DDX10: variants seen among roughly 807,000 people sequenced by gnomAD.
DDX10 encodes the protein probable ATP-dependent RNA helicase DDX10.
A neutral mutation model predicts 104.3 loss-of-function variants in DDX10; 74 were observed. The ratio of observed to expected loss-of-function variants is 0.71; its 90% CI spans 0.59 to 0.86. The LOEUF (loss-of-function observed/expected upper bound fraction) is 0.86. Among genes scored for constraint, DDX10 ranks in the 40% least tolerant of loss-of-function variants. The probability of loss-of-function intolerance (pLI) is 0.00; values close to 1 mark genes in which losing one functional copy is unlikely to be tolerated. For missense variants in DDX10, 952 were observed against 1,040.0 expected (o/e 0.92, Z 1.16); for synonymous variants, 351 against 353.4 (o/e 0.99, Z 0.08).
intron 16 of DDX10, among the ~76,000 whole-genome samples, chr11:108,891,602 G>C (rs116242428): frequency 1.9e-3 from 288 of 152,220 alleles, no homozygotes; most frequent in African/African-American, 6.4e-3. Context: ...GCACTTTCTT[G>C]CCTCAAAGTA....
chr11:108,684,176 C>CTTTTTTTTTTTTTTTTTTTT (rs55949043), intron 6 of DDX10, among the ~76,000 whole-genome samples: 1 of 26,672 alleles, frequency 3.7e-5, no homozygotes, highest in African/African-American at 1.7e-4. Context: ...TATAGATTTT[C>CTTTTTTTTTTTTTTTTTTTT]TTTTTTTTTT....
chr11:108,887,686 G>T (rs572907540), intron 16 of DDX10, among the ~76,000 whole-genome samples: 1 of 151,932 alleles, frequency 6.6e-6, no homozygotes, highest in Non-Finnish European at 1.5e-5. Flanking sequence ...AGGCCAAGGC[G>T]GGTGGTTCAC....
chr11:108,698,340 T>C (rs534254235), intron 9 of DDX10, among the ~76,000 whole-genome samples: 1 of 152,338 alleles, frequency 6.6e-6, no homozygotes, highest in Admixed American at 6.5e-5. Flanking sequence ...ATAGGAGCAA[T>C]CTTTGTTAGT....
intron 13 of DDX10, among the ~76,000 whole-genome samples, chr11:108,754,696 T>C (rs549726861): frequency 6.6e-6 from 1 of 152,142 alleles, no homozygotes; most frequent in South Asian, 2.1e-4. Context: ...ACTGTACATC[T>C]AGAATCTATG....
chr11:108,742,579 C>T (rs975375980), intron 13 of DDX10, among the ~76,000 whole-genome samples: 5 of 152,054 alleles, frequency 3.3e-5, no homozygotes, highest in African/African-American at 1.2e-4. Flanking sequence ...AGAACAACAA[C>T]AACAACAAGA....
At chr11:108,839,507 T>A (rs1294655584) in intron 14 of DDX10, among the ~76,000 whole-genome samples, 1 of 152,210 alleles carries the variant, frequency 6.6e-6, no homozygotes, top group Non-Finnish European at 1.5e-5. Flanking sequence ...TCACAAAAAT[T>A]TATTGATTGA....
chr11:108,794,255 G>A (rs892259592), intron 13 of DDX10, among the ~76,000 whole-genome samples: 4 of 151,618 alleles, frequency 2.6e-5, no homozygotes, highest in African/African-American at 9.7e-5. Context: ...TTTTTTGAGA[G>A]ATCTCCATAC....
intron 16 of DDX10, among the ~76,000 whole-genome samples, chr11:108,907,832 A>G (rs1863617378): frequency 6.6e-6 from 1 of 152,244 alleles, no homozygotes; most frequent in African/African-American, 2.4e-5. Context: ...TATTAACGCT[A>G]TAACCCAAAT....
chr11:108,853,735 C>G (rs1175981960), intron 16 of DDX10, among the ~76,000 whole-genome samples: 1 of 152,142 alleles, frequency 6.6e-6, no homozygotes, highest in Non-Finnish European at 1.5e-5. Context: ...CTGAAGTGAA[C>G]TCCTTATGCC....
chr11:108,867,729 C>A (rs1448027273), intron 16 of DDX10, among the ~76,000 whole-genome samples: 1 of 151,992 alleles, frequency 6.6e-6, no homozygotes, highest in Non-Finnish European at 1.5e-5. Flanking sequence ...AAGGCCAGTC[C>A]CTTATCAGAA....
intron 13 of DDX10, among the ~76,000 whole-genome samples, chr11:108,765,687 A>G (rs1057146631): frequency 3.3e-5 from 5 of 152,244 alleles, no homozygotes; most frequent in African/African-American, 1.2e-4. Context: ...TTGCTCATGC[A>G]CTTTTTATCA....
At chr11:108,722,935 T>A (rs551435151) in intron 12 of DDX10, 62 bp from the exon 13 acceptor site, 1 of 1,502,282 alleles carries the variant, frequency 6.7e-7, no homozygotes, top group Non-Finnish European at 8.8e-7. Flanking sequence ...AACTCTTCTA[T>A]GACACCTATA....
At chr11:108,698,436 G>C (rs953499552) in intron 9 of DDX10, among the ~76,000 whole-genome samples, 1 of 152,066 alleles carries the variant, frequency 6.6e-6, no homozygotes, top group Admixed American at 6.5e-5. Context: ...GCTTCTTTAC[G>C]TGACCTGCTT....
chr11:108,745,064 C>CCCCTT (rs2094329797), intron 13 of DDX10, among the ~76,000 whole-genome samples: 1 of 110,016 alleles, frequency 9.1e-6, no homozygotes, highest in Non-Finnish European at 1.8e-5. Flanking sequence ...TTCCCCCTTC[C>CCCCTT]CCCTTCCCCC....
At position 108,665,200 on chromosome 11, in the gene DDX10, C is replaced by T. The variant is rs1210136446; in HGVS notation, c.47C>T (p.Pro16Leu). 4 of 1,612,996 alleles carry T rather than the reference C, an allele frequency of 2.5e-6. No individual in the cohort carries two copies. The highest frequency in any genetic ancestry group is 2.7e-5 in the African/African-American group (2 of 74,858). ...CCGGGTTCGGGAGCCCGACCCGACC[C>T]GGTGCGGAGCTTCAATCGCTGGAAG... The part of the protein sequence containing the change: ...NSPGSGARPD[P>L]VRSFNRWKKK... Residue 16 changes from proline (P) to leucine (L), a missense_variant, in exon 1 of 18, where the codon CCG becomes CTG. Physicochemically the swap from Pro to Leu is moderately conservative, Grantham distance 98 (BLOSUM62 -3). Transcript: ENST00000322536.
At chr11:108,726,464 A>G (rs1188362839) in intron 13 of DDX10, among the ~76,000 whole-genome samples, 1 of 152,110 alleles carries the variant, frequency 6.6e-6, no homozygotes, top group African/African-American at 2.4e-5. Context: ...TAATGCTATC[A>G]TAAATGGTAT....
intron 16 of DDX10, among the ~76,000 whole-genome samples, chr11:108,905,605 AT>A (rs1251486855): frequency 2.0e-5 from 3 of 151,934 alleles, no homozygotes; most frequent in Non-Finnish European, 4.4e-5. Context: ...CTCCTGATCT[AT>A]TTTTTGTAGC....
chr11:108,793,766 A>G (rs1861902227), intron 13 of DDX10, among the ~76,000 whole-genome samples: 2 of 151,930 alleles, frequency 1.3e-5, no homozygotes, highest in Admixed American at 1.3e-4. Flanking sequence ...TATTCCTTCT[A>G]TCTAACCGTA....
chr11:108,864,423 A>G (rs1334638961), intron 16 of DDX10, among the ~76,000 whole-genome samples: 1 of 150,994 alleles, frequency 6.6e-6, no homozygotes, highest in Non-Finnish European at 1.5e-5. Context: ...TAAACTTTAT[A>G]TATATAGAAT....
Sources: gnomAD v4.1 joint callset for allele counts (sites outside exome capture counted in the v4.1 genomes callset) on GRCh38, gnomAD v4.1.1 for gene constraint, MANE v1.5 for transcripts, NCBI Gene and HGNC (gene_info 2026-07-23, HGNC 2026-07-21) for gene names.